YWHAH: variants seen among roughly 807,000 people sequenced by gnomAD.
The protein encoded by YWHAH is 14-3-3 protein eta.
YWHAH carries 6 observed loss-of-function variants against 22.9 expected under a neutral mutation model. The ratio of observed to expected loss-of-function variants is 0.26; its 90% CI spans 0.14 to 0.52. YWHAH has a LOEUF of 0.52. YWHAH is among the 20% of genes least tolerant of loss of function. The pLI is 0.97. For synonymous variants in YWHAH, 135 were observed against 124.5 expected (o/e 1.08, Z -0.56); for missense variants, 173 against 308.6 (o/e 0.56, Z 3.29).
chr22:31,945,351 GT>G, intron 1 of YWHAH: 1 of 1,256,798 alleles, frequency 8.0e-7, no homozygotes, highest in Non-Finnish European at 1.0e-6. Context: ...ACGCCTGGGG[GT>G]CTGGCTTTGT....
chr22:31,956,788 A>G lies in YWHAH; in HGVS notation c.737A>G (p.Asn246Ser). 5.7e-6 allele frequency: 9 copies of G among 1,592,222 alleles called. No homozygotes were observed. The highest frequency in any genetic ancestry group is 6.8e-6 in the Non-Finnish European group (8 of 1,168,736). The change falls in exon 2 of 2, where the codon AAC (asparagine) becomes AGC (serine). Residue 246 changes from asparagine (N) to serine (S), a missense_variant. Coordinates refer to ENST00000248975, the MANE Select transcript of YWHAH (RefSeq NM_003405.4). This position sits in a 1 kb window ranked among gnomAD's most constrained non-coding sequence, Gnocchi z 5.1. ...CAGGATGAAGAAGCAGGAGAAGGCA[A>G]CTGAAGATCCTTCAGGTCCCCTGGC... ...DQQDEEAGEG[N>S]
At position 31,944,647 on chromosome 22, in the gene YWHAH, C is replaced by A. The variant is rs1026555253; in HGVS notation, c.-87C>A. 2.8e-5 allele frequency: 31 copies of A among 1,089,072 alleles called. No homozygotes were observed. The highest frequency in any genetic ancestry group is 3.3e-5 in the Non-Finnish European group (29 of 874,594). 67.5% of individuals were successfully genotyped at this position (1,089,072 alleles called of 1,614,324 possible). A position where few individuals can be genotyped will look rare whatever the true frequency, so the allele number is the denominator to read the frequency against. On this transcript the variant is annotated 5_prime_UTR_variant, in exon 1 of 2. Transcript: ENST00000248975. Reference sequence around the variant, plus strand: ...CAGTGCGCGTGCGCGGCGGCGGCCTCCGCAGCGACCGGGGAGCGGACTGAC... The same window carrying A: ...CAGTGCGCGTGCGCGGCGGCGGCCTACGCAGCGACCGGGGAGCGGACTGAC...
intron 1 of YWHAH, among the ~76,000 whole-genome samples, chr22:31,949,519 G>T (rs954830234): frequency 6.6e-6 from 1 of 151,444 alleles, no homozygotes. Flanking sequence ...TTGGTGGGGG[G>T]GGGAGTCATG....
chr22:31,950,936 G>A (rs1472625184), intron 1 of YWHAH, among the ~76,000 whole-genome samples: 3 of 152,012 alleles, frequency 2.0e-5, no homozygotes, highest in Non-Finnish European at 2.9e-5. Flanking sequence ...TTGCTCTGTC[G>A]CCCAAGCTGG....
At chr22:31,953,372 G>A (rs994673330) in intron 1 of YWHAH, among the ~76,000 whole-genome samples, 1 of 152,302 alleles carries the variant, frequency 6.6e-6, no homozygotes, top group South Asian at 2.1e-4. Context: ...TGATTCAGAA[G>A]TGTTGTTCGT....
chr22:31,947,443 T>G (rs1224362012), intron 1 of YWHAH: 1 of 471,596 alleles, frequency 2.1e-6, no homozygotes, highest in Non-Finnish European at 4.4e-6. Context: ...CTGTAATGAT[T>G]GATGTTCCTC....
chr22:31,957,403 AC>A lies in YWHAH; in HGVS notation c.*612del, dbSNP rs1474063364. The A allele has an allele frequency of 7.5e-6, 1 of 133,830 alleles. No individual in the cohort carries two copies. The highest frequency in any genetic ancestry group is 2.6e-5 in the African/African-American group (1 of 38,430). The allele number at this position is 133,830 out of a possible 1,614,324, so 8.3% of individuals were successfully genotyped here. On this transcript the variant is annotated 3_prime_UTR_variant, in exon 2 of 2. Transcript: ENST00000248975. ...GCATCTGAAAGTTTTGATACTTGTA[AC>A]TTTTTTTTTTTTTTGGTTGCAATTG...
In YWHAH at chr22:31,950,076, C is replaced by CTTTTTTTTTTTT. The variant is rs557406783; in HGVS notation, c.87+5283_87+5294dup. 1.2e-4 allele frequency among the ~76,000 whole-genome samples: 5 copies of CTTTTTTTTTTTT among 42,192 alleles called. 1 individual carries two copies. The highest frequency in any genetic ancestry group is 2.4e-4 in the Non-Finnish European group (5 of 20,410). The allele number at this position is 42,192 out of a possible 152,430, so 27.7% of individuals were successfully genotyped here. A position where few individuals can be genotyped will look rare whatever the true frequency, so the allele number is the denominator to read the frequency against. Reference sequence around the variant, plus strand: ...TTGCTTGTTCTGAAGGCTTGGAGGCCTTTTTTTTTTTTTTTTTTTTTTTTT... The same window carrying CTTTTTTTTTTTT: ...TTGCTTGTTCTGAAGGCTTGGAGGCCTTTTTTTTTTTTTTTTTTTTTTTTTTTTTTTTTTTTT... On this transcript the variant is annotated intron_variant, in intron 1 of 1. Coordinates refer to ENST00000248975, the MANE Select transcript of YWHAH (RefSeq NM_003405.4).
chr22:31,954,040 T>G (rs1216441609), intron 1 of YWHAH, among the ~76,000 whole-genome samples: 2 of 152,238 alleles, frequency 1.3e-5, no homozygotes, highest in Non-Finnish European at 2.9e-5. Context: ...GCTTATGTCC[T>G]TGAACCACTA....
At chr22:31,944,972 C>T in intron 1 of YWHAH, 152 bp downstream of exon 1, 1 of 1,120,730 alleles carries the variant, frequency 8.9e-7, no homozygotes, top group East Asian at 4.7e-5. Context: ...CCGCGCTTCC[C>T]GCTCCCGCTG....
At chr22:31,952,830 G>T (rs965359707) in intron 1 of YWHAH, among the ~76,000 whole-genome samples, 1 of 152,222 alleles carries the variant, frequency 6.6e-6, no homozygotes, top group African/African-American at 2.4e-5. Flanking sequence ...TTAGTAGGAA[G>T]CCCTGCCACA....
intron 1 of YWHAH, among the ~76,000 whole-genome samples, chr22:31,953,337 T>G (rs1754326520): frequency 6.6e-6 from 1 of 152,248 alleles, no homozygotes; most frequent in East Asian, 1.9e-4. Flanking sequence ...TTCTGAAATT[T>G]ATCAGAATAT....
chr22:31,947,515 G>A (rs1436334727), intron 1 of YWHAH: 4 of 470,990 alleles, frequency 8.5e-6, no homozygotes, highest in South Asian at 6.2e-5. Flanking sequence ...GTGCATACTG[G>A]AAACAATGGT....
At chr22:31,955,452 T>C (rs1427851497) in intron 1 of YWHAH, among the ~76,000 whole-genome samples, 1 of 150,656 alleles carries the variant, frequency 6.6e-6, no homozygotes, top group Non-Finnish European at 1.5e-5. Flanking sequence ...TTTTTTTTTT[T>C]TTTTTTTCTT....
chr22:31,948,931 C>G (rs898276690), intron 1 of YWHAH, among the ~76,000 whole-genome samples: 3 of 152,126 alleles, frequency 2.0e-5, no homozygotes, highest in Non-Finnish European at 4.4e-5. Context: ...AGAAGAACTT[C>G]CACAGTCCGG....
chr22:31,954,487 ACT>A (rs1006268675), intron 1 of YWHAH, among the ~76,000 whole-genome samples: 72 of 151,906 alleles, frequency 4.7e-4, no homozygotes, highest in Non-Finnish European at 2.2e-4. Flanking sequence ...TTGTTAGGAA[ACT>A]CTGTTAGTTT....
At position 31,950,489 on chromosome 22, in the gene YWHAH, CTAGGGACAG is replaced by C. The variant is rs879404217; in HGVS notation, c.88-5646_88-5638del. 28 of 748,970 alleles carry C rather than the reference CTAGGGACAG, an allele frequency of 3.7e-5. No individual in the cohort carries two copies. In the East Asian group the frequency reaches 6.9e-4, roughly 18 times the overall value. The allele number at this position is 748,970 out of a possible 1,614,324, so 46.4% of individuals were successfully genotyped here. On this transcript the variant is annotated intron_variant, in intron 1 of 1. Coordinates refer to ENST00000248975, the MANE Select transcript of YWHAH (RefSeq NM_003405.4). ...TCTGAAGCCTTCAATTCGGATGCCT[CTAGGGACAG>C]TAGCATGCAGTAATGCCATTCAGAT...
Position 31,956,764 on chromosome 22 carries a change from A to G in YWHAH, c.713A>G (p.Gln238Arg), listed in dbSNP as rs778998997. The G allele has an allele frequency of 1.2e-6, 2 of 1,605,956 alleles. No individual in the cohort carries two copies. The highest frequency in any genetic ancestry group is 1.7e-6 in the Non-Finnish European group (2 of 1,175,698). The stretch of plus-strand genomic sequence containing the variant: ...CTCACCCTCTGGACGAGCGACCAGC[A>G]GGATGAAGAAGCAGGAGAAGGCAAC... ...DNLTLWTSDQ[Q>R]DEEAGEGN Residue 238 changes from glutamine to arginine, a missense_variant, in exon 2 of 2, where the codon CAG becomes CGG. Gln to Arg is a conservative substitution (Grantham distance 43). Coordinates refer to ENST00000248975, the MANE Select transcript of YWHAH (RefSeq NM_003405.4). This position sits in a 1 kb window ranked among gnomAD's most constrained non-coding sequence, Gnocchi z 5.1.
intron 1 of YWHAH, among the ~76,000 whole-genome samples, chr22:31,951,041 C>T (rs1474421755): frequency 6.6e-6 from 1 of 152,070 alleles, no homozygotes; most frequent in African/African-American, 2.4e-5. Flanking sequence ...TACAGGTGCA[C>T]GCCACCATGC....
Sources: allele counts gnomAD v4.1 joint callset (sites outside exome capture counted in the v4.1 genomes callset), GRCh38; gene constraint gnomAD v4.1.1; non-coding constraint Gnocchi (gnomAD v3.1); transcripts MANE v1.5; gene names NCBI Gene and HGNC (gene_info 2026-07-23, HGNC 2026-07-21).